The following NAALADL2 variants were observed in gnomAD, a reference collection of about 807,000 sequenced individuals.
The protein encoded by NAALADL2 is N-acetylated alpha-linked acidic dipeptidase like 2.
In NAALADL2, 76 loss-of-function variants were observed where a neutral mutation model predicts 87.2. The observed-to-expected ratio is 0.87, with a 90% CI of 0.72 to 1.05. The LOEUF (loss-of-function observed/expected upper bound fraction) is 1.05, where lower values mean the gene tolerates loss of function less well. Among genes scored for constraint, NAALADL2 ranks in the 50% least tolerant of loss-of-function variants. The probability of loss-of-function intolerance (pLI) is 0.00; values close to 1 mark genes in which losing one functional copy is unlikely to be tolerated. For synonymous variants in NAALADL2, 354 were observed against 331.0 expected, an observed-to-expected ratio of 1.07 and a Z score of -0.75; for missense variants, 1,089 against 945.8, an observed-to-expected ratio of 1.15 and a Z score of -1.99.
chr3:174,639,916 G>A (rs938921337), intron 2 of NAALADL2, among the ~76,000 whole-genome samples: 8 of 152,008 alleles, frequency 5.3e-5, no homozygotes, highest in African/African-American at 1.9e-4. Flanking sequence ...TAAGCAACTC[G>A]AAAATTTGCG....
chr3:175,638,623 C>T lies in NAALADL2; in HGVS notation c.1896+11237C>T, dbSNP rs115552652. Among the ~76,000 whole-genome samples, 1,029 of 152,220 alleles carry T rather than the reference C, an allele frequency of 6.8e-3. 9 individuals carry two copies. Among genetic ancestry groups the T allele is most frequent in the African/African-American group, 0.024 (987 of 41,526 alleles). ...ATGGATTGCACAGGTATAGCTTCTT[C>T]CGGTACTAGTTATTAGGATCCAAAT... On this transcript the variant is annotated intron_variant, in intron 11 of 13. Transcript: ENST00000454872.
chr3:174,553,822 A>G (rs749306287), intron 2 of NAALADL2, among the ~76,000 whole-genome samples: 24 of 152,308 alleles, frequency 1.6e-4, no homozygotes, highest in Admixed American at 2.6e-4. Context: ...CAGGAAATGA[A>G]CAGTCTGGGC....
intron 1 of NAALADL2, among the ~76,000 whole-genome samples, chr3:175,089,074 G>T (rs1168669590): frequency 6.6e-6 from 1 of 152,140 alleles, no homozygotes; most frequent in Non-Finnish European, 1.5e-5. Flanking sequence ...AGTAGAGGTT[G>T]TGGTCTTTTC....
At chr3:174,952,173 C>A (rs1740466242) in intron 1 of NAALADL2, among the ~76,000 whole-genome samples, 2 of 152,226 alleles carry the variant, frequency 1.3e-5, no homozygotes, top group Admixed American at 6.5e-5. Context: ...GTAATCTGTT[C>A]ATCTTTCTAA....
intron 5 of NAALADL2, among the ~76,000 whole-genome samples, chr3:175,360,846 G>GTGTT (rs1468700031): frequency 6.7e-6 from 1 of 149,030 alleles, no homozygotes; most frequent in Non-Finnish European, 1.5e-5. Flanking sequence ...GTGTGTGTGT[G>GTGTT]TGTATCTCAC....
chr3:174,951,195 C>T (rs1740286009), intron 1 of NAALADL2, among the ~76,000 whole-genome samples: 1 of 151,984 alleles, frequency 6.6e-6, no homozygotes, highest in African/African-American at 2.4e-5. Context: ...GGAATAATAC[C>T]TTCATGAGTC....
intron 1 of NAALADL2, among the ~76,000 whole-genome samples, chr3:175,069,802 C>T (rs1276838971): frequency 1.3e-5 from 2 of 150,462 alleles, no homozygotes; most frequent in Admixed American, 6.7e-5. Flanking sequence ...GAAAATGTGG[C>T]ACATATACAC....
At chr3:175,442,184 A>G (rs912095655) in intron 5 of NAALADL2, among the ~76,000 whole-genome samples, 4 of 151,956 alleles carry the variant, frequency 2.6e-5, no homozygotes, top group Admixed American at 2.0e-4. Flanking sequence ...ACCTCAGGTG[A>G]TCCACCCTCC....
At chr3:175,701,611 T>C (rs564907950) in intron 11 of NAALADL2, among the ~76,000 whole-genome samples, 2 of 152,186 alleles carry the variant, frequency 1.3e-5, no homozygotes, top group African/African-American at 4.8e-5. Context: ...GATTTTACCA[T>C]GTTAAACGTA....
At chr3:174,679,875 CTT>C (rs1727366630) in intron 2 of NAALADL2, among the ~76,000 whole-genome samples, 1 of 152,138 alleles carries the variant, frequency 6.6e-6, no homozygotes, top group Non-Finnish European at 1.5e-5. Flanking sequence ...CTTAGTACCT[CTT>C]TGTTGTCAAA....
Position 174,949,808 on chromosome 3 carries a change from G to A in NAALADL2, c.43+90358G>A, listed in dbSNP as rs139606345. Reference sequence around the variant, plus strand: ...TTCAACAACAGAATATGTCTTCACTGCTATTCGGAAGAAGAAGTGTGGAGC... The same window carrying A: ...TTCAACAACAGAATATGTCTTCACTACTATTCGGAAGAAGAAGTGTGGAGC... On this transcript the variant is annotated intron_variant, in intron 1 of 13. Transcript: ENST00000454872. Among the ~76,000 whole-genome samples, 60 of 152,322 alleles carry A rather than the reference G, an allele frequency of 3.9e-4. 1 individual carries two copies. The highest frequency in any genetic ancestry group is 7.1e-4 in the Non-Finnish European group (48 of 68,030).
At chr3:175,232,985 G>T (rs1009575232) in intron 2 of NAALADL2, among the ~76,000 whole-genome samples, 2 of 152,038 alleles carry the variant, frequency 1.3e-5, no homozygotes, top group Non-Finnish European at 2.9e-5. Flanking sequence ...ATTTTTAACA[G>T]ATTTGTCTGG....
At chr3:174,537,539 C>G (rs1184606670) in intron 1 of NAALADL2, among the ~76,000 whole-genome samples, 1 of 152,152 alleles carries the variant, frequency 6.6e-6, no homozygotes, top group South Asian at 2.1e-4. Context: ...TATGTACCTA[C>G]TCTTGAGGAG....
At chr3:175,225,110 C>T (rs1297392108) in intron 2 of NAALADL2, among the ~76,000 whole-genome samples, 1 of 152,096 alleles carries the variant, frequency 6.6e-6, no homozygotes, top group Non-Finnish European at 1.5e-5. Flanking sequence ...AAATATTGTT[C>T]TGACATAATC....
At chr3:175,033,291 T>G (rs1753001385) in intron 1 of NAALADL2, among the ~76,000 whole-genome samples, 2 of 152,044 alleles carry the variant, frequency 1.3e-5, no homozygotes, top group Admixed American at 1.3e-4. Context: ...CCACATAAAC[T>G]TCTTCTCTGA....
chr3:175,041,352 ATATC>A (rs1221316617), intron 1 of NAALADL2, among the ~76,000 whole-genome samples: 1 of 152,186 alleles, frequency 6.6e-6, no homozygotes, highest in African/African-American at 2.4e-5. Flanking sequence ...GTTTCTAAGA[ATATC>A]TATTTGCAGA....
intron 2 of NAALADL2, among the ~76,000 whole-genome samples, chr3:175,190,302 A>G (rs1737954787): frequency 6.6e-6 from 1 of 152,144 alleles, no homozygotes; most frequent in Non-Finnish European, 1.5e-5. Context: ...TTTGGAAACC[A>G]TATCTCTGTT....
At chr3:174,541,133 C>A (rs1352234440) in intron 1 of NAALADL2, among the ~76,000 whole-genome samples, 1 of 152,122 alleles carries the variant, frequency 6.6e-6, no homozygotes, top group Non-Finnish European at 1.5e-5. Context: ...GAATATTTAT[C>A]CCTGAAATAT....
At position 175,755,235 on chromosome 3, in the gene NAALADL2, C is replaced by T. The variant is rs756526188; in HGVS notation, c.2006C>T (p.Thr669Ile). ...TCTTCACCAGGTGATCAACCCAACA[C>T]TCATCAACTGTTAGCCATGGCGTTA... ...QNNLKGDQPN[T>I]HQLLAMALRL... The change falls in exon 13 of 14, where the codon ACT (threonine) becomes ATT (isoleucine). Residue 669 changes from threonine to isoleucine, a missense_variant. Thr to Ile is a moderately conservative substitution (Grantham distance 89). Coordinates refer to ENST00000454872, the MANE Select transcript of NAALADL2 (RefSeq NM_207015.3). The T allele has an allele frequency of 1.2e-6, 2 of 1,612,890 alleles. No individual in the cohort carries two copies. The highest frequency in any genetic ancestry group is 4.5e-5 in the East Asian group (2 of 44,854).
Sources: gnomAD v4.1 joint callset for allele counts (sites outside exome capture counted in the v4.1 genomes callset) on GRCh38, gnomAD v4.1.1 for gene constraint, MANE v1.5 for transcripts, NCBI Gene and HGNC (gene_info 2026-07-23, HGNC 2026-07-21) for gene names.